ACSS1: variants seen among roughly 807,000 people sequenced by gnomAD.
ACSS1 encodes the protein acetyl-coenzyme A synthetase 2-like, mitochondrial.
In ACSS1, 42 loss-of-function variants were observed where a neutral mutation model predicts 75.3. That is an observed-to-expected ratio of 0.56 (90% CI 0.44 to 0.72). The LOEUF is 0.72. Among genes scored for constraint, ACSS1 ranks in the 30% least tolerant of loss-of-function variants. The pLI is 0.00. For synonymous variants in ACSS1, 380 were observed against 376.8 expected, an observed-to-expected ratio of 1.01 and a Z score of -0.10; for missense variants, 782 against 935.7, an observed-to-expected ratio of 0.84 and a Z score of 2.14.
Position 25,007,671 on chromosome 20 carries a change from T to C in ACSS1, c.*91A>G. On this transcript the variant is annotated 3_prime_UTR_variant, in exon 14 of 14. Transcript: ENST00000323482. ...TGGGGTGGGGGCTGCTTCTGGGACG[T>C]AGGAAGACGCCAACCTCAGGGGTAC... is the stretch of plus-strand genomic sequence containing the variant. The C allele has an allele frequency of 6.5e-7, 1 of 1,545,698 alleles. No individual in the cohort carries two copies. The highest frequency in any genetic ancestry group is 1.2e-5 in the South Asian group (1 of 80,140).
chr20:25,032,524 C>T (rs981920496), intron 2 of ACSS1: 2 of 1,260,386 alleles, frequency 1.6e-6, no homozygotes, highest in African/African-American at 3.1e-5. Context: ...ATAAAAAGAG[C>T]TAACACAGAA....
At chr20:25,025,156 G>A (rs927952847) in intron 3 of ACSS1, among the ~76,000 whole-genome samples, 3 of 152,192 alleles carry the variant, frequency 2.0e-5, no homozygotes, top group Non-Finnish European at 2.9e-5. Flanking sequence ...ACGATACAAT[G>A]ACCCCAGCCC....
rs200758517 is a variant in ACSS1 at position 25,022,922 on chromosome 20, G to A, written c.960+18C>T. ...GGATCCCTGCCAAGGGCCCAGCACC[G>A]CCCGCACAGGCCTGTACCTTGTGAG... On this transcript the variant is annotated intron_variant, in intron 5 of 13. Transcript: ENST00000323482. 2.8e-5 allele frequency: 45 copies of A among 1,593,598 alleles called. No homozygotes were observed. Among genetic ancestry groups the A allele is most frequent in the Admixed American group, 1.0e-4 (6 of 57,726 alleles).
intron 7 of ACSS1, among the ~76,000 whole-genome samples, chr20:25,017,604 A>G (rs1014729871): frequency 1.3e-5 from 2 of 152,226 alleles, no homozygotes; most frequent in African/African-American, 2.4e-5. Flanking sequence ...GAATGTGCCT[A>G]TCAACCAGCT....
chr20:25,056,760 T>C (rs1454485062), intron 1 of ACSS1, among the ~76,000 whole-genome samples: 1 of 151,962 alleles, frequency 6.6e-6, no homozygotes, highest in African/African-American at 2.4e-5. Flanking sequence ...TCTTAAACAC[T>C]CCCAAATCCA....
intron 7 of ACSS1, among the ~76,000 whole-genome samples, chr20:25,018,478 C>T (rs951385834): frequency 2.0e-5 from 3 of 152,188 alleles, no homozygotes; most frequent in Non-Finnish European, 2.9e-5. Context: ...TGGCAAGGGA[C>T]CTGTTGAGGG....
At chr20:25,056,756 A>G (rs919891345) in intron 1 of ACSS1, among the ~76,000 whole-genome samples, 1 of 152,074 alleles carries the variant, frequency 6.6e-6, no homozygotes, top group Non-Finnish European at 1.5e-5. Flanking sequence ...CCTTTCTTAA[A>G]CACTCCCAAA....
At chr20:25,023,391 C>A in intron 4 of ACSS1, 75 bp downstream of exon 4, 1 of 1,570,644 alleles carries the variant, frequency 6.4e-7, no homozygotes, top group Non-Finnish European at 8.7e-7. Flanking sequence ...AATTGAGAAC[C>A]ACAACCCGAG....
chr20:25,052,190 G>A (rs2089183672), intron 1 of ACSS1, among the ~76,000 whole-genome samples: 1 of 152,170 alleles, frequency 6.6e-6, no homozygotes, highest in South Asian at 2.1e-4. Context: ...AGGAAGGATG[G>A]AAAGGAGGAA....
chr20:25,010,898 G>T (rs918836834), intron 12 of ACSS1: 4 of 152,244 alleles, frequency 2.6e-5, no homozygotes, highest in African/African-American at 9.7e-5. Flanking sequence ...CAAGGTCCAG[G>T]GGCTGCCCTT....
intron 1 of ACSS1, among the ~76,000 whole-genome samples, chr20:25,049,878 C>T (rs2089152597): frequency 1.3e-5 from 2 of 152,090 alleles, no homozygotes; most frequent in African/African-American, 4.8e-5. Flanking sequence ...AGTTCTTCAC[C>T]AGGCGGTGAA....
chr20:25,057,714 G>T, intron 1 of ACSS1, 55 bp downstream of exon 1: 2 of 1,475,988 alleles, frequency 1.4e-6, no homozygotes, highest in Admixed American at 2.1e-5. Context: ...GAGGCTCCGA[G>T]TCCCCTCGGG....
chr20:25,007,628 G>A lies in ACSS1; in HGVS notation c.*134C>T. 6.6e-7 allele frequency: 1 copy of A among 1,509,638 alleles called. No homozygotes were observed. The highest frequency in any genetic ancestry group is 1.3e-5 in the South Asian group (1 of 75,250). The allele number at this position is 1,509,638 out of a possible 1,614,324, so 93.5% of individuals were successfully genotyped here. A position where few individuals can be genotyped will look rare whatever the true frequency, so the allele number is the denominator to read the frequency against. On this transcript the variant is annotated 3_prime_UTR_variant, in exon 14 of 14. Coordinates refer to ENST00000323482, the MANE Select transcript of ACSS1 (RefSeq NM_032501.4). ...GGCTCTCAGCCCAGCTTCACGTGAG[G>A]GCGGTGTGGGTCATGTGTGGGGTGG...
rs1204403598 is a variant in ACSS1 at position 25,013,518 on chromosome 20, C to G, written c.1579+18G>C. ...GTCAGCTGAAAAGGAATGAGAGGGTCCCTGACAGCCTGCTCACCTGGGTAG... is the reference window on the plus strand; with the variant it reads ...GTCAGCTGAAAAGGAATGAGAGGGTGCCTGACAGCCTGCTCACCTGGGTAG... On this transcript the variant is annotated intron_variant, in intron 10 of 13. Coordinates refer to ENST00000323482, the MANE Select transcript of ACSS1 (RefSeq NM_032501.4). 1.3e-6 allele frequency: 2 copies of G among 1,576,416 alleles called. No homozygotes were observed. Among genetic ancestry groups the G allele is most frequent in the Admixed American group, 3.7e-5 (2 of 54,610 alleles).
Position 25,007,647 on chromosome 20 carries a change from G to T in ACSS1, c.*115C>A. On this transcript the variant is annotated 3_prime_UTR_variant, in exon 14 of 14. Transcript: ENST00000323482. Reference sequence around the variant, plus strand: ...CGTGAGGGCGGTGTGGGTCATGTGTGGGGTGGGGGCTGCTTCTGGGACGTA... The same window carrying T: ...CGTGAGGGCGGTGTGGGTCATGTGTTGGGTGGGGGCTGCTTCTGGGACGTA... The T allele has an allele frequency of 6.6e-7, 1 of 1,523,868 alleles. No individual in the cohort carries two copies. The highest frequency in any genetic ancestry group is 8.8e-7 in the Non-Finnish European group (1 of 1,141,920). The allele number at this position is 1,523,868 out of a possible 1,614,324, so 94.4% of individuals were successfully genotyped here.
chr20:25,020,474 T>C (rs1380141585), intron 6 of ACSS1, among the ~76,000 whole-genome samples: 1 of 152,208 alleles, frequency 6.6e-6, no homozygotes, highest in Non-Finnish European at 1.5e-5. Context: ...ACACAGAGCT[T>C]TCACTCGATC....
Position 25,021,388 on chromosome 20 carries a change from C to T in ACSS1, c.1108+1G>A, listed in dbSNP as rs2088622036. ...TCCCAAACAGGGTTCACCATCCTTACCAGCATTGGGATAAACTGGGGTGCT... is the reference window on the plus strand; with the variant it reads ...TCCCAAACAGGGTTCACCATCCTTATCAGCATTGGGATAAACTGGGGTGCT... On this transcript the variant is annotated splice_donor_variant, in intron 6 of 13. Transcript: ENST00000323482. LOFTEE classifies it high-confidence loss of function. 16 of 1,613,802 alleles carry T rather than the reference C, an allele frequency of 9.9e-6. No homozygotes were observed. The highest frequency in any genetic ancestry group is 1.3e-5 in the Non-Finnish European group (15 of 1,179,784).
Position 25,006,488 on chromosome 20 carries a change from A to G in ACSS1, c.*1274T>C. The G allele has an allele frequency of 4.4e-6, 1 of 228,522 alleles. No individual in the cohort carries two copies. The highest frequency in any genetic ancestry group is 8.8e-6 in the Non-Finnish European group (1 of 114,018). The allele number at this position is 228,522 out of a possible 1,614,324, so 14.2% of individuals were successfully genotyped here. ...GGCTTCACAGGTTCACTCACCCAAG[A>G]GGCCAGCACAACCACGACCGAGTGG... On this transcript the variant is annotated 3_prime_UTR_variant, in exon 14 of 14. Coordinates refer to ENST00000323482, the MANE Select transcript of ACSS1 (RefSeq NM_032501.4).
chr20:25,026,813 A>G (rs935185367), intron 3 of ACSS1, among the ~76,000 whole-genome samples: 3 of 152,204 alleles, frequency 2.0e-5, no homozygotes, highest in African/African-American at 7.2e-5. Context: ...AGGCTGAAGG[A>G]TATCAGGGCA....
Sources: gnomAD v4.1 joint callset for allele counts (sites outside exome capture counted in the v4.1 genomes callset) on GRCh38, gnomAD v4.1.1 for gene constraint, MANE v1.5 for transcripts, NCBI Gene and HGNC (gene_info 2026-07-23, HGNC 2026-07-21) for gene names.